Variants in GALNT7 observed in about 807,000 individuals in gnomAD.
The protein encoded by GALNT7 is polypeptide N-acetylgalactosaminyltransferase 7.
A neutral mutation model predicts 82.1 loss-of-function variants in GALNT7; 60 were observed. The observed-to-expected ratio is 0.73, with a 90% CI of 0.59 to 0.91. The LOEUF is 0.91. GALNT7 is among the 40% of genes least tolerant of loss of function. The pLI, the probability that GALNT7 is intolerant of heterozygous loss-of-function variation, is 0.00. For missense variants in GALNT7, 660 were observed against 804.2 expected, an observed-to-expected ratio of 0.82 and a Z score of 2.17; for synonymous variants, 243 against 275.1, an observed-to-expected ratio of 0.88 and a Z score of 1.15.
intron 2 of GALNT7, among the ~76,000 whole-genome samples, chr4:173,273,430 CCT>C (rs1735795978): frequency 6.6e-6 from 1 of 152,094 alleles, no homozygotes; most frequent in Admixed American, 6.6e-5. Flanking sequence ...TAAGGAGGCC[CCT>C]GTTGTTGTTG....
chr4:173,188,244 A>G (rs545144548), intron 1 of GALNT7, among the ~76,000 whole-genome samples: 13 of 152,340 alleles, frequency 8.5e-5, no homozygotes, highest in African/African-American at 2.9e-4. Context: ...ACCTTGCCCA[A>G]GGTCACTTGG....
chr4:173,268,433 G>A lies in GALNT7; in HGVS notation c.587+19993G>A, dbSNP rs568990646. Among the ~76,000 whole-genome samples the A allele has an allele frequency of 6.6e-5, 10 of 151,418 alleles. No individual in the cohort carries two copies. In the South Asian group the frequency reaches 2.1e-3, roughly 32 times the overall value. On this transcript the variant is annotated intron_variant, in intron 2 of 11. Transcript: ENST00000265000. ...TAGCACACTGACATTATTCTCGGGA[G>A]GCTGTTTTAAACAGCAAAATTACCA...
intron 1 of GALNT7, among the ~76,000 whole-genome samples, chr4:173,204,219 C>G (rs28841069): frequency 5.3e-5 from 8 of 152,138 alleles, no homozygotes; most frequent in African/African-American, 1.9e-4. Context: ...CTGGAACTCC[C>G]TTATATGTTA....
At chr4:173,286,018 A>C (rs6817741) in intron 2 of GALNT7, among the ~76,000 whole-genome samples, 5,093 of 152,256 alleles carry the variant, frequency 0.033, 279 homozygotes, top group African/African-American at 0.11. Context: ...GACTGAAAAA[A>C]AACAACAACA....
In GALNT7 at chr4:173,292,563, T is replaced by G. The variant is rs191671102; in HGVS notation, c.754+289T>G. Among the ~76,000 whole-genome samples, 5 of 152,284 alleles carry G rather than the reference T, an allele frequency of 3.3e-5. No individual in the cohort carries two copies. The highest frequency in any genetic ancestry group is 3.3e-4 in the Admixed American group (5 of 15,298). On this transcript the variant is annotated intron_variant, in intron 3 of 11. Coordinates refer to ENST00000265000, the MANE Select transcript of GALNT7 (RefSeq NM_017423.3). This position sits in a 1 kb window ranked among gnomAD's most constrained non-coding sequence, Gnocchi z 4.8. The stretch of plus-strand genomic sequence containing the variant: ...AAATTCAGTAAAGTATACCACTGAT[T>G]ATAATGTTAGAAGCGAAGATAAACA...
chr4:173,191,918 A>T (rs190308494), intron 1 of GALNT7, among the ~76,000 whole-genome samples: 1 of 152,336 alleles, frequency 6.6e-6, no homozygotes, highest in East Asian at 1.9e-4. Context: ...TAACTAAGAT[A>T]TAATCTCTGT....
chr4:173,231,018 G>T (rs1352522213), intron 1 of GALNT7, among the ~76,000 whole-genome samples: 4 of 152,164 alleles, frequency 2.6e-5, no homozygotes, highest in Non-Finnish European at 5.9e-5. Context: ...ATTCATGAGC[G>T]ATAGTTTGAA....
chr4:173,287,507 G>A (rs1736366679), intron 2 of GALNT7, among the ~76,000 whole-genome samples: 1 of 152,250 alleles, frequency 6.6e-6, no homozygotes, highest in African/African-American at 2.4e-5. Flanking sequence ...ATGTAGAAAA[G>A]AGGCAAGAGA....
intron 2 of GALNT7, among the ~76,000 whole-genome samples, chr4:173,288,841 CACA>C (rs557377057): frequency 1.3e-5 from 2 of 152,018 alleles, no homozygotes; most frequent in Non-Finnish European, 2.9e-5. Context: ...AAATCACAAA[CACA>C]ACAACTCTTT....
At chr4:173,224,855 T>A (rs1025878500) in intron 1 of GALNT7, among the ~76,000 whole-genome samples, 9 of 148,382 alleles carry the variant, frequency 6.1e-5, no homozygotes, top group Non-Finnish European at 1.0e-4. Context: ...TACTAAAAAT[T>A]AAAAAAAAAA....
intron 1 of GALNT7, among the ~76,000 whole-genome samples, chr4:173,170,339 C>T (rs1217069668): frequency 2.0e-5 from 3 of 152,160 alleles, no homozygotes; most frequent in Non-Finnish European, 4.4e-5. Flanking sequence ...GTTTATTTAA[C>T]TTTCCTTCTG....
intron 1 of GALNT7, among the ~76,000 whole-genome samples, chr4:173,227,417 C>T (rs4380500): frequency 0.66 from 100,842 of 152,094 alleles, 36,627 homozygotes; most frequent in East Asian, 0.82. Flanking sequence ...CTGCAAGCTC[C>T]GCCTCCCAGG....
intron 2 of GALNT7, among the ~76,000 whole-genome samples, chr4:173,254,840 C>G (rs995841725): frequency 6.6e-5 from 10 of 152,206 alleles, no homozygotes; most frequent in African/African-American, 2.4e-4. Context: ...ATGTTGCTTA[C>G]TGACCTGAAA....
At chr4:173,180,462 G>T (rs1359228953) in intron 1 of GALNT7, among the ~76,000 whole-genome samples, 4 of 151,712 alleles carry the variant, frequency 2.6e-5, no homozygotes, top group Non-Finnish European at 5.9e-5. Flanking sequence ...TGAGTAGCTG[G>T]GATTACAGGC....
At chr4:173,202,519 C>T (rs1051760099) in intron 1 of GALNT7, among the ~76,000 whole-genome samples, 1 of 152,032 alleles carries the variant, frequency 6.6e-6, no homozygotes, top group Non-Finnish European at 1.5e-5. Flanking sequence ...CTTAGATAAC[C>T]CTCTTCACTC....
chr4:173,316,634 T>A (rs930286821), intron 9 of GALNT7: 4 of 152,242 alleles, frequency 2.6e-5, no homozygotes, highest in African/African-American at 9.6e-5. Context: ...TACTTAATAT[T>A]TGATGATTGA....
Position 173,298,135 on chromosome 4 carries a change from T to C in GALNT7, c.986T>C (p.Leu329Pro). The C allele has an allele frequency of 6.2e-7, 1 of 1,614,126 alleles. No homozygotes were observed. Residue 329 changes from leucine to proline, a missense_variant, in exon 6 of 12, where the codon CTT (leucine) becomes CCT (proline). By Grantham distance (98) the Leu-to-Pro change is moderately conservative. Coordinates refer to ENST00000265000, the MANE Select transcript of GALNT7 (RefSeq NM_017423.3). ...SKDRTICTVP[L>P]IDVINGNTYE... ...TACAGAACCATTTGCACTGTGCCGC[T>C]TATAGATGTCATAAATGGCAACACA...
rs768741426 is a variant in GALNT7 at position 173,321,828 on chromosome 4, C to A, written c.*111C>A. On this transcript the variant is annotated 3_prime_UTR_variant, in exon 12 of 12. Transcript: ENST00000265000. ...GTTATTAACTCTGTATAGCTCCAAA[C>A]CTGGAACCTCCTGATCAGTTTGAAG... is the stretch of plus-strand genomic sequence containing the variant. 6.1e-6 allele frequency: 4 copies of A among 657,930 alleles called. No individual in the cohort carries two copies. Among genetic ancestry groups the A allele is most frequent in the Non-Finnish European group, 1.1e-5 (4 of 377,908 alleles). The allele number at this position is 657,930 out of a possible 1,614,324, so 40.8% of individuals were successfully genotyped here. A position where few individuals can be genotyped will look rare whatever the true frequency, so the allele number is the denominator to read the frequency against.
intron 1 of GALNT7, among the ~76,000 whole-genome samples, chr4:173,221,211 A>G (rs1047976113): frequency 5.9e-5 from 9 of 152,076 alleles, no homozygotes; most frequent in Admixed American, 3.9e-4. Context: ...GTGTGAGATG[A>G]TATCTCATTG....
Sources: allele counts gnomAD v4.1 joint callset (sites outside exome capture counted in the v4.1 genomes callset), GRCh38; gene constraint gnomAD v4.1.1; non-coding constraint Gnocchi (gnomAD v3.1); transcripts MANE v1.5; gene names NCBI Gene and HGNC (gene_info 2026-07-23, HGNC 2026-07-21).